Variants in RTF1 observed in about 807,000 individuals in gnomAD.
RTF1 encodes RTF1 homolog, Paf1/RNA polymerase II complex component.
A neutral mutation model predicts 95.7 loss-of-function variants in RTF1; 10 were observed. That is an observed-to-expected ratio of 0.10 (90% CI 0.06 to 0.18). The LOEUF is 0.18. RTF1 is among the 10% of genes least tolerant of loss of function. RTF1 has a pLI of 1.00. For synonymous variants in RTF1, 305 were observed against 311.8 expected (o/e 0.98, Z 0.23); for missense variants, 458 against 875.6 (o/e 0.52, Z 6.02).
In RTF1 at chr15:41,483,519, T is replaced by G. The variant is rs903256652; in HGVS notation, c.*2832T>G. On this transcript the variant is annotated 3_prime_UTR_variant, in exon 18 of 18. Transcript: ENST00000389629. ...TGAAGTCCTGACTTGCCACTCAAAC[T>G]GTACCAATATTGTAAATAAATGTTA... is the stretch of plus-strand genomic sequence containing the variant. The G allele has an allele frequency of 2.0e-5, 3 of 152,662 alleles. No individual in the cohort carries two copies. Among genetic ancestry groups the G allele is most frequent in the Non-Finnish European group, 4.4e-5 (3 of 68,050 alleles). The allele number at this position is 152,662 out of a possible 1,614,324, so 9.5% of individuals were successfully genotyped here. A position where few individuals can be genotyped will look rare whatever the true frequency, so the allele number is the denominator to read the frequency against.
Position 41,445,230 on chromosome 15 carries a change from C to T in RTF1, c.309+6799C>T, listed in dbSNP as rs140228772. Among the ~76,000 whole-genome samples the T allele has an allele frequency of 2.6e-3, 394 of 152,248 alleles. 2 individuals carry two copies. Among genetic ancestry groups the T allele is most frequent in the South Asian group, 6.4e-3 (31 of 4,822 alleles). On this transcript the variant is annotated intron_variant, in intron 2 of 17. Transcript: ENST00000389629. Reference sequence around the variant, plus strand: ...GATTACAGGCGTGAGCCACTGCGCCCGGCCTCATGAGCTTTATGTTTTACA... The same window carrying T: ...GATTACAGGCGTGAGCCACTGCGCCTGGCCTCATGAGCTTTATGTTTTACA...
intron 2 of RTF1, among the ~76,000 whole-genome samples, chr15:41,448,134 A>G (rs1469463134): frequency 6.6e-6 from 1 of 152,192 alleles, no homozygotes; most frequent in Admixed American, 6.6e-5. Context: ...GAGAAGAGGT[A>G]CAGAGCAAAT....
chr15:41,473,357 C>A (rs1188353016), intron 8 of RTF1, among the ~76,000 whole-genome samples: 1 of 151,758 alleles, frequency 6.6e-6, no homozygotes, highest in African/African-American at 2.4e-5. Context: ...TGGTCTCGAT[C>A]TCCTGACTTC....
rs934499177 is a variant in RTF1, at chr15:41,480,766, T to G, written c.*79T>G. Reference sequence around the variant, plus strand: ...TTTCCTCCTTTCCTTTGATTTAGCCTCTTTGGGCTGGAGCAGCTGTTGAAC... The same window carrying G: ...TTTCCTCCTTTCCTTTGATTTAGCCGCTTTGGGCTGGAGCAGCTGTTGAAC... On this transcript the variant is annotated 3_prime_UTR_variant, in exon 18 of 18. Transcript: ENST00000389629. The G allele has an allele frequency of 9.7e-7, 1 of 1,033,978 alleles. No individual in the cohort carries two copies. 64.1% of individuals were successfully genotyped at this position (1,033,978 alleles called of 1,614,324 possible).
At chr15:41,478,962 G>C in intron 15 of RTF1, 141 bp from the exon 16 acceptor site, 2 of 298,492 alleles carry the variant, frequency 6.7e-6, no homozygotes, top group Non-Finnish European at 1.1e-5. Flanking sequence ...TTTTTTTTTT[G>C]CTGCTTTGAG....
chr15:41,438,365 G>A lies in RTF1; in HGVS notation c.243G>A (p.Glu81=). The A allele has an allele frequency of 6.4e-7, 1 of 1,551,372 alleles. No homozygotes were observed. Among genetic ancestry groups the A allele is most frequent in the Non-Finnish European group, 8.7e-7 (1 of 1,146,718 alleles). The change falls in exon 2 of 18, where the codon GAG becomes GAA. Residue 81 remains glutamate, a synonymous_variant. Coordinates refer to ENST00000389629, the MANE Select transcript of RTF1 (RefSeq NM_015138.5). ...AGCGAAAGCGCAGTGACTCTGAGGA[G>A]AAGGAGCCGCCTGTGAGTCAGCCTG... The part of the protein sequence containing the change: ...LAKRKRSDSE[E]KEPPVSQPAA...
chr15:41,436,668 C>A (rs1159464187), intron 1 of RTF1, among the ~76,000 whole-genome samples: 2 of 151,434 alleles, frequency 1.3e-5, no homozygotes, highest in Non-Finnish European at 2.9e-5. Context: ...GTGGCATTCT[C>A]CTGTAGTCCC....
At chr15:41,446,599 A>G (rs2050764446) in intron 2 of RTF1, among the ~76,000 whole-genome samples, 1 of 152,056 alleles carries the variant, frequency 6.6e-6, no homozygotes. Flanking sequence ...CCTCACATGT[A>G]TGTAGAACTT....
chr15:41,475,843 C>A, intron 11 of RTF1, 24 bp downstream of exon 11: 1 of 1,222,012 alleles, frequency 8.2e-7, no homozygotes, highest in Non-Finnish European at 1.2e-6. Flanking sequence ...TGCCCCAGAA[C>A]CCGGAGGTTC....
intron 1 of RTF1, among the ~76,000 whole-genome samples, chr15:41,424,816 C>T (rs1186447441): frequency 6.6e-6 from 1 of 152,042 alleles, no homozygotes; most frequent in African/African-American, 2.4e-5. Flanking sequence ...TTCGACCAGG[C>T]GGGCCAACAT....
Position 41,463,301 on chromosome 15 carries a change from A to AT in RTF1, c.663-1467dup, listed in dbSNP as rs570174600. Among the ~76,000 whole-genome samples, 385 of 152,270 alleles carry AT rather than the reference A, an allele frequency of 2.5e-3. 2 individuals are homozygous for AT. The highest frequency in any genetic ancestry group is 6.4e-3 in the South Asian group (31 of 4,824). On this transcript the variant is annotated intron_variant, in intron 4 of 17. Transcript: ENST00000389629. ...CTGCTGTGAACGTTTATATACAACA[A>AT]TTTGAGTACCTATTTTCAGTTCTTT...
chr15:41,418,098 T>A (rs1260018768), intron 1 of RTF1, among the ~76,000 whole-genome samples: 2 of 152,164 alleles, frequency 1.3e-5, no homozygotes, highest in Non-Finnish European at 2.9e-5. Context: ...TGAAAGTAAC[T>A]TTTGGCCTCA....
intron 1 of RTF1, among the ~76,000 whole-genome samples, chr15:41,426,689 GCCCCCCCCCCCCCCCGCCC>G (rs1566835709): frequency 2.2e-4 from 1 of 4,498 alleles, no homozygotes; most frequent in Non-Finnish European, 4.5e-4. Flanking sequence ...GATCCACCCC[GCCCCCCCCCCCCCCCGCCC>G]CCCCCCCCCG....
At chr15:41,474,059 G>T in intron 8 of RTF1, among the ~76,000 whole-genome samples, 1 of 151,502 alleles carries the variant, frequency 6.6e-6, no homozygotes, top group African/African-American at 2.4e-5. Context: ...CAAAAAAAAA[G>T]AGAGACTGGG....
At chr15:41,423,477 C>T (rs2050613132) in intron 1 of RTF1, among the ~76,000 whole-genome samples, 1 of 148,638 alleles carries the variant, frequency 6.7e-6, no homozygotes, top group African/African-American at 2.5e-5. Context: ...TCAAGTGATT[C>T]TCCTGCCTTA....
At chr15:41,475,004 G>A (rs1281124132) in intron 9 of RTF1, among the ~76,000 whole-genome samples, 2 of 152,206 alleles carry the variant, frequency 1.3e-5, no homozygotes, top group African/African-American at 4.8e-5. Context: ...CAAGAGGCTT[G>A]CTTCTGGTTC....
intron 8 of RTF1, among the ~76,000 whole-genome samples, chr15:41,472,430 C>A (rs2050917597): frequency 6.6e-6 from 1 of 152,066 alleles, no homozygotes; most frequent in African/African-American, 2.4e-5. Flanking sequence ...TGGTCTTGAA[C>A]TCCTGACCTC....
In RTF1 at chr15:41,417,171, T is replaced by G. The variant is rs2050574952; in HGVS notation, c.56T>G (p.Val19Gly). 1 of 1,262,384 alleles carries G rather than the reference T, an allele frequency of 7.9e-7. No individual in the cohort carries two copies. Among genetic ancestry groups the G allele is most frequent in the Non-Finnish European group, 1.0e-6 (1 of 999,764 alleles). 78.2% of individuals were successfully genotyped at this position (1,262,384 alleles called of 1,614,324 possible). ...GCGGCGGCGGCGGCGGCAGTGGCGG[T>G]CCCACTGGCAGGCGGGCAAGAGGGG... ...RAAAAAAAVA[V>G]PLAGGQEGSP... The change falls in exon 1 of 18, where the codon GTC becomes GGC. Residue 19 changes from valine (V) to glycine (G), a missense_variant. Val to Gly is a moderately radical substitution (Grantham distance 109). This residue lies in a region of RTF1 where 81 missense variants were observed against 59.9 expected (regional missense o/e 1.35). Transcript: ENST00000389629.
chr15:41,426,122 C>CA (rs916752376), intron 1 of RTF1, among the ~76,000 whole-genome samples: 199 of 143,522 alleles, frequency 1.4e-3, no homozygotes, highest in African/African-American at 3.9e-3. Context: ...CTGATCTCTA[C>CA]AAAAAAAAAA....
Sources: gnomAD v4.1 joint callset for allele counts (sites outside exome capture counted in the v4.1 genomes callset) on GRCh38, gnomAD v4.1.1 for gene constraint, gnomAD v4.1.1 regional missense constraint, MANE v1.5 for transcripts, NCBI Gene and HGNC (gene_info 2026-07-23, HGNC 2026-07-21) for gene names.